ALG5: variants seen among roughly 807,000 people sequenced by gnomAD.
ALG5 encodes the protein ALG5 dolichyl-phosphate beta-glucosyltransferase, also known as dolichyl-phosphate beta-glucosyltransferase.
A neutral mutation model predicts 51.8 loss-of-function variants in ALG5; 26 were observed. The ratio of observed to expected loss-of-function variants is 0.50; its 90% CI spans 0.37 to 0.70. The LOEUF (loss-of-function observed/expected upper bound fraction) is 0.70. ALG5 is among the 30% of genes least tolerant of loss of function. ALG5 has a pLI of 0.00. For synonymous variants in ALG5, 141 were observed against 136.1 expected, an observed-to-expected ratio of 1.04 and a Z score of -0.25; for missense variants, 311 against 399.3, an observed-to-expected ratio of 0.78 and a Z score of 1.88.
intron 4 of ALG5, among the ~76,000 whole-genome samples, chr13:36,993,019 C>T (rs1453681114): frequency 6.6e-6 from 1 of 152,208 alleles, no homozygotes; most frequent in Non-Finnish European, 1.5e-5. Flanking sequence ...GGAGAAGATG[C>T]ACAGCCTCAG....
intron 8 of ALG5, chr13:36,952,824 C>G (rs2058824338): frequency 3.3e-6 from 1 of 302,616 alleles, no homozygotes; most frequent in South Asian, 8.9e-5. Flanking sequence ...ATCTCTATTA[C>G]AACTCAGAAA....
At chr13:36,967,656 T>C (rs2058901225) in intron 7 of ALG5, 2 of 413,332 alleles carry the variant, frequency 4.8e-6, no homozygotes, top group Non-Finnish European at 4.7e-6. Flanking sequence ...TATGGGTTGA[T>C]GTAAATATGT....
intron 7 of ALG5, chr13:36,967,957 T>C: frequency 2.7e-6 from 1 of 368,886 alleles, no homozygotes; most frequent in South Asian, 3.0e-5. Context: ...ATGACTGCTC[T>C]GGCTTGGATG....
chr13:36,974,354 A>G (rs1160824098), intron 6 of ALG5, among the ~76,000 whole-genome samples: 2 of 152,150 alleles, frequency 1.3e-5, no homozygotes, highest in Admixed American at 6.5e-5. Flanking sequence ...AATAAATTTA[A>G]AAGTGCTCAT....
intron 6 of ALG5, among the ~76,000 whole-genome samples, chr13:36,978,800 C>T (rs970303820): frequency 5.9e-5 from 9 of 151,290 alleles, no homozygotes; most frequent in African/African-American, 2.2e-4. Flanking sequence ...CCTGTAATCC[C>T]AGCTGTTTGG....
chr13:36,976,425 CAAAAAAAAAA>C (rs57192095), intron 6 of ALG5, among the ~76,000 whole-genome samples: 2 of 36,614 alleles, frequency 5.5e-5, no homozygotes, highest in South Asian at 1.3e-3. Context: ...GACTCTGTCT[CAAAAAAAAAA>C]AAAAAAAAAA....
intron 7 of ALG5, among the ~76,000 whole-genome samples, chr13:36,971,083 C>G (rs2058920713): frequency 6.6e-6 from 1 of 152,060 alleles, no homozygotes; most frequent in African/African-American, 2.4e-5. Flanking sequence ...TCTACTGGTT[C>G]TCAAAGCCTC....
At chr13:36,975,135 C>T (rs2058944480) in intron 6 of ALG5, among the ~76,000 whole-genome samples, 1 of 152,148 alleles carries the variant, frequency 6.6e-6, no homozygotes, top group Non-Finnish European at 1.5e-5. Flanking sequence ...TGCTTGAACT[C>T]AGGAGGCGGA....
At chr13:36,997,916 A>G (rs1354106537) in intron 1 of ALG5, among the ~76,000 whole-genome samples, 1 of 152,182 alleles carries the variant, frequency 6.6e-6, no homozygotes, top group African/African-American at 2.4e-5. Flanking sequence ...CTAGTTGTGC[A>G]ACATTTGAGT....
intron 9 of ALG5, among the ~76,000 whole-genome samples, chr13:36,952,052 C>T (rs991749717): frequency 6.6e-6 from 1 of 152,116 alleles, no homozygotes; most frequent in Non-Finnish European, 1.5e-5. Context: ...TCCGAAAGTG[C>T]TGGGATTACA....
intron 6 of ALG5, among the ~76,000 whole-genome samples, chr13:36,973,646 T>A (rs1371746915): frequency 6.6e-6 from 1 of 152,014 alleles, no homozygotes; most frequent in African/African-American, 2.4e-5. Flanking sequence ...TATTCAAAAC[T>A]AAAAGACAAA....
At chr13:36,959,223 A>G (rs1047506474) in intron 8 of ALG5, among the ~76,000 whole-genome samples, 2 of 152,124 alleles carry the variant, frequency 1.3e-5, no homozygotes, top group African/African-American at 4.8e-5. Context: ...AGATGGGGAG[A>G]TGATGGTCAA....
At chr13:36,959,834 C>T (rs948915399) in intron 8 of ALG5, among the ~76,000 whole-genome samples, 18 of 151,676 alleles carry the variant, frequency 1.2e-4, no homozygotes, top group Non-Finnish European at 2.4e-4. Flanking sequence ...GAGGAATGTG[C>T]TTTACTAACA....
intron 8 of ALG5, among the ~76,000 whole-genome samples, chr13:36,954,571 T>G (rs1262702581): frequency 6.6e-5 from 10 of 152,188 alleles, no homozygotes; most frequent in Admixed American, 6.5e-4. Flanking sequence ...GCTCATATCA[T>G]CATATTATAA....
chr13:36,962,346 T>C (rs891896854), intron 8 of ALG5, among the ~76,000 whole-genome samples: 2 of 152,198 alleles, frequency 1.3e-5, no homozygotes, highest in Non-Finnish European at 2.9e-5. Context: ...GACGTATTAT[T>C]GTGGTGAAGG....
At chr13:36,953,628 C>T (rs757636073) in intron 8 of ALG5, among the ~76,000 whole-genome samples, 8 of 152,168 alleles carry the variant, frequency 5.3e-5, no homozygotes, top group Non-Finnish European at 1.2e-4. Flanking sequence ...ATTATTAATA[C>T]AGACAAGAAA....
At chr13:36,958,828 A>T (rs949157138) in intron 8 of ALG5, among the ~76,000 whole-genome samples, 1 of 152,174 alleles carries the variant, frequency 6.6e-6, no homozygotes, top group Admixed American at 6.5e-5. Flanking sequence ...GAGGTAAAGA[A>T]ATAGTCAAAT....
At chr13:36,993,925 C>T (rs973465691) in intron 3 of ALG5, among the ~76,000 whole-genome samples, 21 of 152,148 alleles carry the variant, frequency 1.4e-4, no homozygotes, top group African/African-American at 4.6e-4. Context: ...CTGCCCTGTA[C>T]CTTGGTGGTG....
chr13:36,974,692 C>T (rs374077777), intron 6 of ALG5, among the ~76,000 whole-genome samples: 23 of 152,080 alleles, frequency 1.5e-4, no homozygotes, highest in Admixed American at 5.9e-4. Context: ...CAACACATTG[C>T]CAATCTTGTT....
Sources: allele counts gnomAD v4.1 joint callset (sites outside exome capture counted in the v4.1 genomes callset), GRCh38; gene constraint gnomAD v4.1.1; transcripts MANE v1.5; gene names NCBI Gene and HGNC (gene_info 2026-07-23, HGNC 2026-07-21).